The following ZNF613 variants were observed in gnomAD, a reference collection of about 807,000 sequenced individuals.
The protein encoded by ZNF613 is zinc finger protein 613.
ZNF613 carries 8 observed loss-of-function variants against 14.3 expected under a neutral mutation model. The ratio of observed to expected loss-of-function variants is 0.56; its 90% confidence interval spans 0.33 to 1.01. The LOEUF (loss-of-function observed/expected upper bound fraction) is 1.01, where lower values mean the gene tolerates loss of function less well. Ranked by LOEUF, ZNF613 falls within the 50% of genes least tolerant of loss-of-function variation. The pLI, the probability that ZNF613 is intolerant of heterozygous loss-of-function variation, is 0.03. For missense variants in ZNF613, 656 were observed against 741.9 expected (o/e 0.88, Z 1.35); for synonymous variants, 228 against 254.5 (o/e 0.90, Z 0.99).
chr19:51,932,109 C>G (rs568609571), intron 2 of ZNF613, among the ~76,000 whole-genome samples: 1 of 152,120 alleles, frequency 6.6e-6, no homozygotes, highest in Non-Finnish European at 1.5e-5. Context: ...GCAATAGCCT[C>G]TAGATGTCCC....
rs764104583 is a variant in ZNF613, at chr19:51,940,610, T to C, written c.143-7T>C. On this transcript the variant is annotated splice_polypyrimidine_tract_variant and splice_region_variant and intron_variant, in intron 4 of 5. Coordinates refer to ENST00000293471, the MANE Select transcript of ZNF613 (RefSeq NM_001031721.4). ...AGCCTAAGTTGTGTATCATTTCCTA[T>C]GAACAGGGTATCAAGCCAGCAAACC... is the stretch of plus-strand genomic sequence containing the variant. 1.2e-6 allele frequency: 2 copies of C among 1,609,918 alleles called. No individual in the cohort carries two copies. The highest frequency in any genetic ancestry group is 3.4e-5 in the Admixed American group (2 of 59,598).
chr19:51,940,172 GA>G lies in ZNF613; in HGVS notation c.16-34del, dbSNP rs777103673. On this transcript the variant is annotated intron_variant, in intron 3 of 5. Coordinates refer to ENST00000293471, the MANE Select transcript of ZNF613 (RefSeq NM_001031721.4). ...TCACATTTCTTCCATATAAATGAGA[GA>G]AATACTTCATATTAAGCAGGACTCT... The G allele has an allele frequency of 8.9e-5, 144 of 1,609,060 alleles. No individual in the cohort carries two copies. The Middle Eastern group carries it at 2.0e-3, about 22-fold the overall frequency.
intron 3 of ZNF613, among the ~76,000 whole-genome samples, chr19:51,938,350 C>A (rs896263854): frequency 2.0e-5 from 3 of 151,850 alleles, no homozygotes; most frequent in Non-Finnish European, 1.5e-5. Context: ...TGGCTCACTG[C>A]AACCTCGATT....
rs766493110 is a variant in ZNF613 at position 51,945,557 on chromosome 19, T to C, written c.1674T>C (p.His558=). 3.8e-5 allele frequency: 61 copies of C among 1,614,014 alleles called. No homozygotes were observed. The highest frequency in any genetic ancestry group is 5.0e-5 in the Non-Finnish European group (59 of 1,180,016). Reference sequence around the variant, plus strand: ...GCTCAGAGAGTCATAGCTTATCACATACACGTGATCTCATACAGGATAAAG... The same window carrying C: ...GCTCAGAGAGTCATAGCTTATCACACACACGTGATCTCATACAGGATAAAG... ...NPCSESHSLS[H]TRDLIQDKDS... is the part of the protein sequence containing the mutation. Residue 558 remains histidine, a synonymous_variant, in exon 6 of 6, where the codon CAT becomes CAC. Coordinates refer to ENST00000293471, the MANE Select transcript of ZNF613 (RefSeq NM_001031721.4).
At chr19:51,939,360 G>A (rs993879629) in intron 3 of ZNF613, among the ~76,000 whole-genome samples, 6 of 151,014 alleles carry the variant, frequency 4.0e-5, no homozygotes, top group East Asian at 1.9e-4. Context: ...ATGAAGTCTC[G>A]CTCTGTCACT....
At chr19:51,932,543 C>T (rs1433697872) in intron 2 of ZNF613, among the ~76,000 whole-genome samples, 4 of 151,938 alleles carry the variant, frequency 2.6e-5, no homozygotes, top group Admixed American at 1.3e-4. Flanking sequence ...GTGATCTGCC[C>T]GCCTCGGCCT....
chr19:51,930,583 G>A (rs2085256884), intron 2 of ZNF613, among the ~76,000 whole-genome samples: 1 of 152,146 alleles, frequency 6.6e-6, no homozygotes, highest in Admixed American at 6.5e-5. Context: ...ATGTTTTCAA[G>A]GTTTGTCTGT....
Position 51,944,396 on chromosome 19 carries a change from A to G in ZNF613, c.513A>G (p.Gln171=), listed in dbSNP as rs2085375316. ...CCTTCCTTCATGCCAAGCATGAACA[A>G]TTTCATAATGAAATGAACTTCCCCG... The part of the protein sequence containing the change: ...GKSFLHAKHE[Q]FHNEMNFPEG... The change falls in exon 6 of 6, where the codon CAA becomes CAG. Residue 171 remains glutamine (Q), a synonymous_variant. Transcript: ENST00000293471. The G allele has an allele frequency of 6.2e-7, 1 of 1,606,434 alleles. No homozygotes were observed. Among genetic ancestry groups the G allele is most frequent in the Non-Finnish European group, 8.5e-7 (1 of 1,174,074 alleles).
Position 51,945,721 on chromosome 19 carries a change from G to C in ZNF613, c.1838G>C (p.Arg613Thr). The change falls in exon 6 of 6, where the codon AGA (arginine) becomes ACA (threonine). Residue 613 changes from arginine to threonine, a missense_variant. Coordinates refer to ENST00000293471, the MANE Select transcript of ZNF613 (RefSeq NM_001031721.4). ...VARSSVSADS[R>T]ICTE The stretch of plus-strand genomic sequence containing the variant: ...AGAAGTTCAGTCTCAGCAGATAGTA[G>C]AATTTGCACAGAATAAAAACCATAT... 6.2e-7 allele frequency: 1 copy of C among 1,614,088 alleles called. No homozygotes were observed. The highest frequency in any genetic ancestry group is 8.5e-7 in the Non-Finnish European group (1 of 1,180,002).
chr19:51,945,063 C>T lies in ZNF613; in HGVS notation c.1180C>T (p.His394Tyr), dbSNP rs1413816257. ...AAATCTCATTGTACATCAGCGAATT[C>T]ATACTGGAGAAAAACCCTATATATG... ...KGNLIVHQRIHTGEKPYICNE... is the reference protein window; with the variant it reads ...KGNLIVHQRIYTGEKPYICNE... The change falls in exon 6 of 6, where the codon CAT becomes TAT. Residue 394 changes from histidine to tyrosine, a missense_variant. His to Tyr is a moderately conservative substitution (Grantham distance 83). Transcript: ENST00000293471. The T allele has an allele frequency of 1.2e-6, 2 of 1,614,206 alleles. No homozygotes were observed. The highest frequency in any genetic ancestry group is 2.2e-5 in the East Asian group (1 of 44,886).
At chr19:51,936,336 CTAGGAT>C in intron 3 of ZNF613, 101 bp downstream of exon 3, 1 of 1,258,684 alleles carries the variant, frequency 7.9e-7, no homozygotes, top group African/African-American at 1.5e-5. Flanking sequence ...ATTTGGTAAA[CTAGGAT>C]TTGTGCATCA....
chr19:51,938,469 G>A (rs1432344968), intron 3 of ZNF613, among the ~76,000 whole-genome samples: 1 of 151,782 alleles, frequency 6.6e-6, no homozygotes, highest in Non-Finnish European at 1.5e-5. Flanking sequence ...TTGCCATGTT[G>A]CCCAGGCTGG....
Position 51,944,135 on chromosome 19 carries a change from C to CA in ZNF613, c.254dup (p.Asn85LysfsTer21). ...CTTTCCTAGAAATCAAGAAAGTTGACAATCATCTACAGATGCACTCACAAA... is the reference window on the plus strand; with the variant it reads ...CTTTCCTAGAAATCAAGAAAGTTGACAAATCATCTACAGATGCACTCACAAA... On this transcript the variant is annotated frameshift_variant, in exon 6 of 6. Coordinates refer to ENST00000293471, the MANE Select transcript of ZNF613 (RefSeq NM_001031721.4). LOFTEE classifies it low-confidence loss of function (END_TRUNC). The CA allele has an allele frequency of 3.3e-6, 5 of 1,526,236 alleles. No homozygotes were observed. The highest frequency in any genetic ancestry group is 4.4e-6 in the Non-Finnish European group (5 of 1,138,752). 94.5% of individuals were successfully genotyped at this position (1,526,236 alleles called of 1,614,324 possible).
chr19:51,946,094 G>A lies in ZNF613; in HGVS notation c.*357G>A. 4.6e-6 allele frequency: 1 copy of A among 217,944 alleles called. No individual in the cohort carries two copies. Among genetic ancestry groups the A allele is most frequent in the Non-Finnish European group, 9.2e-6 (1 of 108,374 alleles). 13.5% of individuals were successfully genotyped at this position (217,944 alleles called of 1,614,324 possible). A position where few individuals can be genotyped will look rare whatever the true frequency, so the allele number is the denominator to read the frequency against. Reference sequence around the variant, plus strand: ...AAGACCTTTGAAGGCTATGAATGTGGCAGGGTTGCTAGTGGTACATTCTGC... The same window carrying A: ...AAGACCTTTGAAGGCTATGAATGTGACAGGGTTGCTAGTGGTACATTCTGC... On this transcript the variant is annotated 3_prime_UTR_variant, in exon 6 of 6. Transcript: ENST00000293471.
chr19:51,930,754 A>C (rs544808329), intron 2 of ZNF613, among the ~76,000 whole-genome samples: 1 of 152,090 alleles, frequency 6.6e-6, no homozygotes, highest in Admixed American at 6.5e-5. Context: ...TTTGTGTGTA[A>C]GTTTTTATTG....
chr19:51,940,131 A>G, intron 3 of ZNF613, 78 bp from the exon 4 acceptor site: 1 of 1,556,636 alleles, frequency 6.4e-7, no homozygotes, highest in Non-Finnish European at 8.8e-7. Context: ...GGTAAAAATG[A>G]GCAGAACAAT....
intron 2 of ZNF613, among the ~76,000 whole-genome samples, chr19:51,930,565 A>G (rs1345056914): frequency 6.6e-6 from 1 of 152,184 alleles, no homozygotes; most frequent in Non-Finnish European, 1.5e-5. Context: ...CCCAGCCAAC[A>G]TAGTATAATG....
In ZNF613 at chr19:51,940,201, T is replaced by TA; in HGVS notation, c.16-7dup. On this transcript the variant is annotated splice_polypyrimidine_tract_variant and splice_region_variant and intron_variant, in intron 3 of 5. Coordinates refer to ENST00000293471, the MANE Select transcript of ZNF613 (RefSeq NM_001031721.4). Reference sequence around the variant, plus strand: ...TACTTCATATTAAGCAGGACTCTCTTATTACAGGAATCACTGACCCTGGAG... The same window carrying TA: ...TACTTCATATTAAGCAGGACTCTCTTAATTACAGGAATCACTGACCCTGGAG... 6.2e-7 allele frequency: 1 copy of TA among 1,613,030 alleles called. No individual in the cohort carries two copies. Among genetic ancestry groups the TA allele is most frequent in the South Asian group, 1.1e-5 (1 of 91,062 alleles).
intron 4 of ZNF613, 62 bp downstream of exon 4, chr19:51,940,397 C>G (rs934903422): frequency 1.2e-5 from 19 of 1,611,706 alleles, no homozygotes; most frequent in Non-Finnish European, 1.5e-5. Flanking sequence ...GCTTTCTCAG[C>G]TTTCAAAAGC....
Sources: allele counts gnomAD v4.1 joint callset (sites outside exome capture counted in the v4.1 genomes callset), GRCh38; gene constraint gnomAD v4.1.1; transcripts MANE v1.5; gene names NCBI Gene and HGNC (gene_info 2026-07-23, HGNC 2026-07-21).